KCTD16: variants seen among roughly 807,000 people sequenced by gnomAD.
KCTD16 encodes the protein BTB/POZ domain-containing protein KCTD16.
A neutral mutation model predicts 33.2 loss-of-function variants in KCTD16; 13 were observed. The observed-to-expected ratio is 0.39, with a 90% confidence interval of 0.25 to 0.62. KCTD16 has a LOEUF of 0.62. Among genes scored for constraint, KCTD16 ranks in the 20% least tolerant of loss-of-function variants. The pLI, the probability that KCTD16 is intolerant of heterozygous loss-of-function variation, is 0.50. For missense variants in KCTD16, 441 were observed against 525.1 expected (o/e 0.84, Z 1.57); for synonymous variants, 197 against 195.3 (o/e 1.01, Z -0.07).
chr5:144,251,529 C>T (rs1473860504), intron 3 of KCTD16, among the ~76,000 whole-genome samples: 2 of 152,082 alleles, frequency 1.3e-5, no homozygotes, highest in African/African-American at 4.8e-5. Flanking sequence ...AATAGACAAC[C>T]TTTTCAATGC....
chr5:144,318,427 T>C (rs1202705735), intron 3 of KCTD16, among the ~76,000 whole-genome samples: 2 of 152,112 alleles, frequency 1.3e-5, no homozygotes, highest in African/African-American at 4.8e-5. Flanking sequence ...AACGTATGGG[T>C]TTATTTCATT....
intron 3 of KCTD16, among the ~76,000 whole-genome samples, chr5:144,320,508 T>G (rs1752042853): frequency 6.6e-6 from 1 of 152,146 alleles, no homozygotes; most frequent in African/African-American, 2.4e-5. Context: ...TTGCTACATA[T>G]TTATTTTATT....
intron 3 of KCTD16, among the ~76,000 whole-genome samples, chr5:144,354,577 A>G (rs922910626): frequency 2.0e-5 from 3 of 152,218 alleles, no homozygotes; most frequent in Non-Finnish European, 1.5e-5. Flanking sequence ...CATGGAAACA[A>G]TAATAAACTG....
intron 2 of KCTD16, among the ~76,000 whole-genome samples, chr5:144,178,173 G>A (rs1217613930): frequency 6.6e-6 from 1 of 152,176 alleles, no homozygotes; most frequent in Non-Finnish European, 1.5e-5. Flanking sequence ...GTTTATAAAT[G>A]AGTAAAAGCC....
chr5:144,223,862 G>T (rs1449496997), intron 3 of KCTD16, among the ~76,000 whole-genome samples: 2 of 151,990 alleles, frequency 1.3e-5, no homozygotes, highest in Non-Finnish European at 2.9e-5. Flanking sequence ...ATTAGGTAAG[G>T]TGTTCCTCCT....
At chr5:144,330,058 TA>T (rs763065036) in intron 3 of KCTD16, among the ~76,000 whole-genome samples, 11 of 152,138 alleles carry the variant, frequency 7.2e-5, no homozygotes, top group Admixed American at 2.6e-4. Flanking sequence ...TCACAATTTG[TA>T]AGATATTCAG....
intron 3 of KCTD16, among the ~76,000 whole-genome samples, chr5:144,433,407 A>G (rs188398958): frequency 1.9e-4 from 29 of 152,268 alleles, no homozygotes; most frequent in African/African-American, 5.8e-4. Context: ...CAATTGCTAC[A>G]TGAATCCATG....
intron 3 of KCTD16, among the ~76,000 whole-genome samples, chr5:144,287,741 A>T (rs549543749): frequency 6.6e-6 from 1 of 151,998 alleles, no homozygotes; most frequent in African/African-American, 2.4e-5. Flanking sequence ...GGTTCAAGTG[A>T]TTCTCCTGCC....
At chr5:144,471,028 A>T (rs1427889405) in intron 3 of KCTD16, among the ~76,000 whole-genome samples, 1 of 152,142 alleles carries the variant, frequency 6.6e-6, no homozygotes, top group Non-Finnish European at 1.5e-5. Context: ...ACATACCAAA[A>T]AATTAGCCGG....
At chr5:144,397,386 G>A (rs1326138598) in intron 3 of KCTD16, among the ~76,000 whole-genome samples, 1 of 152,020 alleles carries the variant, frequency 6.6e-6, no homozygotes, top group Non-Finnish European at 1.5e-5. Context: ...ATAAACATAC[G>A]TGTGCATATG....
At chr5:144,227,506 C>T (rs1753970204) in intron 3 of KCTD16, among the ~76,000 whole-genome samples, 2 of 152,216 alleles carry the variant, frequency 1.3e-5, no homozygotes. Context: ...GACTCTGACT[C>T]TGCTGACATG....
chr5:144,466,977 T>C (rs1754347101), intron 3 of KCTD16, among the ~76,000 whole-genome samples: 1 of 129,504 alleles, frequency 7.7e-6, no homozygotes, highest in Admixed American at 8.3e-5. Flanking sequence ...TTATATATAA[T>C]ATATATAACA....
intron 3 of KCTD16, among the ~76,000 whole-genome samples, chr5:144,244,185 C>A (rs1754485737): frequency 6.6e-6 from 1 of 152,190 alleles, no homozygotes; most frequent in South Asian, 2.1e-4. Flanking sequence ...CCCTCAAAAT[C>A]TCTTCTCAAC....
chr5:144,317,780 T>C (rs183975765), intron 3 of KCTD16, among the ~76,000 whole-genome samples: 1 of 152,310 alleles, frequency 6.6e-6, no homozygotes, highest in East Asian at 1.9e-4. Context: ...TCTGACTTTG[T>C]TGTCACTCCC....
chr5:144,355,767 C>T (rs1033249242), intron 3 of KCTD16, among the ~76,000 whole-genome samples: 46 of 152,260 alleles, frequency 3.0e-4, no homozygotes, highest in African/African-American at 1.1e-3. Context: ...AAGGCATTCT[C>T]AGGGATGTGT....
chr5:144,357,255 G>A (rs1173027591), intron 3 of KCTD16, among the ~76,000 whole-genome samples: 1 of 152,166 alleles, frequency 6.6e-6, no homozygotes, highest in East Asian at 1.9e-4. Flanking sequence ...AGTTAAAAAG[G>A]GAGGAAATCC....
At chr5:144,338,166 A>G (rs1289328587) in intron 3 of KCTD16, among the ~76,000 whole-genome samples, 1 of 152,286 alleles carries the variant, frequency 6.6e-6, no homozygotes, top group Admixed American at 6.5e-5. Context: ...TTCAATAAAC[A>G]TTGATCAAGA....
chr5:144,482,481 G>C lies in KCTD16; in HGVS notation c.*8367G>C, dbSNP rs1405492362. 2 of 151,778 alleles carry C rather than the reference G, an allele frequency of 1.3e-5. No homozygotes were observed. The highest frequency in any genetic ancestry group is 4.8e-5 in the African/African-American group (2 of 41,370). 9.4% of individuals were successfully genotyped at this position (151,778 alleles called of 1,614,324 possible). A position where few individuals can be genotyped will look rare whatever the true frequency, so the allele number is the denominator to read the frequency against. On this transcript the variant is annotated 3_prime_UTR_variant, in exon 4 of 4. Transcript: ENST00000512467. ...AGAAGTAAAATAGGTGTATGAGCGTGTTTATATGTGTTTATGCATGAGTGT... is the reference window on the plus strand; with the variant it reads ...AGAAGTAAAATAGGTGTATGAGCGTCTTTATATGTGTTTATGCATGAGTGT...
intron 3 of KCTD16, among the ~76,000 whole-genome samples, chr5:144,463,609 G>T (rs1286085926): frequency 6.6e-6 from 1 of 152,040 alleles, no homozygotes; most frequent in Non-Finnish European, 1.5e-5. Context: ...CCACTTACTG[G>T]GCTTTAGTGC....
Sources: gnomAD v4.1 joint callset for allele counts (sites outside exome capture counted in the v4.1 genomes callset) on GRCh38, gnomAD v4.1.1 for gene constraint, MANE v1.5 for transcripts, NCBI Gene and HGNC (gene_info 2026-07-23, HGNC 2026-07-21) for gene names.